CACNA2D4: variants seen among roughly 807,000 people sequenced by gnomAD.
CACNA2D4 encodes voltage-dependent calcium channel subunit alpha-2/delta-4.
Under a neutral mutation model 163.8 loss-of-function variants are expected in CACNA2D4, and 157 were observed. That is an observed-to-expected ratio of 0.96 (90% CI 0.84 to 1.09). The LOEUF (loss-of-function observed/expected upper bound fraction) is 1.09. CACNA2D4 is among the 50% of genes least tolerant of loss of function. The pLI is 0.00. For synonymous variants in CACNA2D4, 598 were observed against 586.9 expected, an observed-to-expected ratio of 1.02 and a Z score of -0.27; for missense variants, 1,410 against 1,479.9, an observed-to-expected ratio of 0.95 and a Z score of 0.78.
intron 18 of CACNA2D4, among the ~76,000 whole-genome samples, chr12:1,870,191 T>C (rs1489165005): frequency 6.6e-6 from 1 of 152,164 alleles, no homozygotes; most frequent in African/African-American, 2.4e-5. Flanking sequence ...CTCCAAACTG[T>C]CCCTACTACA....
Position 1,801,056 on chromosome 12 carries a change from TG to T in CACNA2D4, c.2854del (p.Gln952SerfsTer11). On this transcript the variant is annotated frameshift_variant, in exon 31 of 38. Transcript: ENST00000382722. LOFTEE classifies it high-confidence loss of function. ...KPSSHHHSAA[Q>X]PLVSPISAFL... ...GGTGACACTCACGCTGACCAGGGGC[TG>T]GGCTGCACTGTGGTGGTGACTCGAG... 1 of 1,613,304 alleles carries T rather than the reference TG, an allele frequency of 6.2e-7. No individual in the cohort carries two copies. The highest frequency in any genetic ancestry group is 8.5e-7 in the Non-Finnish European group (1 of 1,179,854).
chr12:1,883,149 T>C lies in CACNA2D4; in HGVS notation c.1352-149A>G. 2 of 932,016 alleles carry C rather than the reference T, an allele frequency of 2.1e-6. No individual in the cohort carries two copies. The highest frequency in any genetic ancestry group is 1.7e-5 in the South Asian group (1 of 59,144). 57.7% of individuals were successfully genotyped at this position (932,016 alleles called of 1,614,324 possible). The stretch of plus-strand genomic sequence containing the variant: ...GGCACAGGGAGCTGCTTCCCCACAG[T>C]TGTGTCCTTTACCCAGGGGCAGCCG... On this transcript the variant is annotated intron_variant, in intron 12 of 37. Coordinates refer to ENST00000382722, the MANE Select transcript of CACNA2D4 (RefSeq NM_172364.5). This position sits in a 1 kb window ranked among gnomAD's most constrained non-coding sequence, Gnocchi z 4.5.
intron 29 of CACNA2D4, chr12:1,809,546 T>A: frequency 1.4e-6 from 1 of 703,022 alleles, no homozygotes; most frequent in East Asian, 2.7e-5. Flanking sequence ...TGAATGGGCT[T>A]CTTTCTCAGT....
At position 1,799,520 on chromosome 12, in the gene CACNA2D4, A is replaced by C. The variant is rs1186621777; in HGVS notation, c.2995+155T>G. ...GGATGAGAACTGGGCTAGACTCCCC[A>C]GTCCCCCAACCCCCAGGAATGGTAC... On this transcript the variant is annotated intron_variant, in intron 34 of 37. Coordinates refer to ENST00000382722, the MANE Select transcript of CACNA2D4 (RefSeq NM_172364.5). The surrounding 1 kb of genome is among the most constrained non-coding windows in gnomAD (Gnocchi z 4.7). Among the ~76,000 whole-genome samples, 1 of 152,118 alleles carries C rather than the reference A, an allele frequency of 6.6e-6. No homozygotes were observed. Among genetic ancestry groups the C allele is most frequent in the East Asian group, 1.9e-4 (1 of 5,178 alleles).
intron 6 of CACNA2D4, among the ~76,000 whole-genome samples, chr12:1,891,540 G>A (rs532582790): frequency 1.6e-4 from 24 of 151,966 alleles, no homozygotes; most frequent in African/African-American, 3.1e-4. Context: ...AAGGAAATAC[G>A]ACACCTCCAA....
At position 1,834,756 on chromosome 12, in the gene CACNA2D4, G is replaced by A. The variant is rs1864783329; in HGVS notation, c.2551+5983C>T. 7 of 1,552,534 alleles carry A rather than the reference G, an allele frequency of 4.5e-6. No homozygotes were observed. Among genetic ancestry groups the A allele is most frequent in the Non-Finnish European group, 4.3e-6 (5 of 1,152,280 alleles). On this transcript the variant is annotated intron_variant, in intron 26 of 37. Coordinates refer to ENST00000382722, the MANE Select transcript of CACNA2D4 (RefSeq NM_172364.5). This position sits in a 1 kb window ranked among gnomAD's most constrained non-coding sequence, Gnocchi z 7.6. ...CCCACCCGGCCAGGTAGGAAGGGCGGGGAGAGCACACGGCATTGCTCAGCC... is the reference window on the plus strand; with the variant it reads ...CCCACCCGGCCAGGTAGGAAGGGCGAGGAGAGCACACGGCATTGCTCAGCC...
At chr12:1,831,499 A>G (rs746430892) in intron 26 of CACNA2D4, 2 of 1,613,600 alleles carry the variant, frequency 1.2e-6, no homozygotes, top group Admixed American at 3.3e-5. Context: ...GAGTTCAAAC[A>G]CTGGATGGAG....
At position 1,918,370 on chromosome 12, in the gene CACNA2D4, A is replaced by G; in HGVS notation, c.104T>C (p.Ile35Thr). ...GGCCACGGGCATTGGCTGGAGGGGA[A>G]TCCAGCGGCTGCTGGAGCTGGGGTT... is the stretch of plus-strand genomic sequence containing the variant. ...LANPSSSSRW[I>T]PLQPMPVAWA... The change falls in exon 1 of 38, where the codon ATT becomes ACT. Residue 35 changes from isoleucine (I) to threonine (T), a missense_variant. By Grantham distance (89) the Ile-to-Thr change is moderately conservative. Transcript: ENST00000382722. The G allele has an allele frequency of 6.2e-7, 1 of 1,605,568 alleles. No individual in the cohort carries two copies. Among genetic ancestry groups the G allele is most frequent in the South Asian group, 1.1e-5 (1 of 89,448 alleles).
chr12:1,812,571 GGC>G (rs1157978969), intron 26 of CACNA2D4, among the ~76,000 whole-genome samples: 1 of 152,228 alleles, frequency 6.6e-6, no homozygotes, highest in African/African-American at 2.4e-5. Flanking sequence ...AACTGCGCTG[GGC>G]GCTTAGAACG....
At chr12:1,832,275 C>A (rs1200693756) in intron 26 of CACNA2D4, among the ~76,000 whole-genome samples, 1 of 152,188 alleles carries the variant, frequency 6.6e-6, no homozygotes, top group Non-Finnish European at 1.5e-5. Flanking sequence ...GTTACCCTTT[C>A]GCTGTGGCAG....
intron 26 of CACNA2D4, among the ~76,000 whole-genome samples, chr12:1,827,243 A>C (rs1265261120): frequency 1.3e-5 from 2 of 151,970 alleles, no homozygotes; most frequent in Non-Finnish European, 2.9e-5. Context: ...TGGAGACCCC[A>C]GCACACAGCC....
chr12:1,825,109 C>T (rs1477939379), intron 26 of CACNA2D4, among the ~76,000 whole-genome samples: 1 of 152,208 alleles, frequency 6.6e-6, no homozygotes, highest in Non-Finnish European at 1.5e-5. Flanking sequence ...TGGGGACTTG[C>T]CGGACTTGTG....
chr12:1,912,943 C>T (rs1024291260), intron 3 of CACNA2D4, 80 bp downstream of exon 3: 10 of 829,316 alleles, frequency 1.2e-5, no homozygotes, highest in Middle Eastern at 2.4e-4. Flanking sequence ...GATGCAGGGC[C>T]ATGACATCGG....
At position 1,891,123 on chromosome 12, in the gene CACNA2D4, G is replaced by T. The variant is rs559013255; in HGVS notation, c.782-4054C>A. Among the ~76,000 whole-genome samples, 31 of 152,298 alleles carry T rather than the reference G, an allele frequency of 2.0e-4. 1 individual carries two copies. The highest frequency in any genetic ancestry group is 1.8e-3 in the Admixed American group (27 of 15,296). On this transcript the variant is annotated intron_variant, in intron 6 of 37. Coordinates refer to ENST00000382722, the MANE Select transcript of CACNA2D4 (RefSeq NM_172364.5). ...CTGAGCAAGCCACCTGGAGGCCCAA[G>T]AATTGGCCTGTCTGGACCCACTAAC...
intron 3 of CACNA2D4, among the ~76,000 whole-genome samples, chr12:1,912,710 C>T (rs1013011958): frequency 6.6e-6 from 1 of 152,250 alleles, no homozygotes; most frequent in Non-Finnish European, 1.5e-5. Context: ...GTACTGGTCA[C>T]TGGGTATGGC....
intron 26 of CACNA2D4, among the ~76,000 whole-genome samples, chr12:1,818,031 G>C (rs1446465164): frequency 6.6e-6 from 1 of 151,506 alleles, no homozygotes; most frequent in Non-Finnish European, 1.5e-5. Context: ...TCCCATCTAG[G>C]AAGTGAGGAG....
In CACNA2D4 at chr12:1,809,214, G is replaced by A. The variant is rs144855217; in HGVS notation, c.2721+1064C>T. On this transcript the variant is annotated intron_variant, in intron 29 of 37. Coordinates refer to ENST00000382722, the MANE Select transcript of CACNA2D4 (RefSeq NM_172364.5). ...CTGTTCCGACGACTTCTTTGGATCC[G>A]AAGCCGCATCCCGGTCAGGCCAGAC... is the stretch of plus-strand genomic sequence containing the variant. 4.6e-5 allele frequency among the ~76,000 whole-genome samples: 7 copies of A among 152,272 alleles called. No individual in the cohort carries two copies. The East Asian group carries it at 1.2e-3, about 25-fold the overall frequency.
chr12:1,887,090 T>C, intron 6 of CACNA2D4, 21 bp from the exon 7 acceptor site: 2 of 1,553,424 alleles, frequency 1.3e-6, no homozygotes, highest in Non-Finnish European at 1.8e-6. Context: ...AAAGACTCGT[T>C]CTTTTACTAG....
intron 19 of CACNA2D4, among the ~76,000 whole-genome samples, chr12:1,859,387 C>G (rs1419528218): frequency 1.3e-5 from 2 of 152,118 alleles, no homozygotes; most frequent in Non-Finnish European, 2.9e-5. Context: ...GAAGCCTGGG[C>G]AGTGGCAACT....
Sources: allele counts gnomAD v4.1 joint callset (sites outside exome capture counted in the v4.1 genomes callset), GRCh38; gene constraint gnomAD v4.1.1; non-coding constraint Gnocchi (gnomAD v3.1); transcripts MANE v1.5; gene names NCBI Gene and HGNC (gene_info 2026-07-23, HGNC 2026-07-21).